Variants in ABCG8 observed in about 807,000 individuals in gnomAD.
ABCG8 encodes ATP binding cassette subfamily G member 8.
A neutral mutation model predicts 71.3 loss-of-function variants in ABCG8; 81 were observed. That is an observed-to-expected ratio of 1.14 (90% CI 0.95 to 1.37). The LOEUF (loss-of-function observed/expected upper bound fraction) is 1.37. Ranked by LOEUF, ABCG8 falls within the 40% of genes most tolerant of loss-of-function variation. The pLI, the probability that ABCG8 is intolerant of heterozygous loss-of-function variation, is 0.00. For missense variants in ABCG8, 1,119 were observed against 866.2 expected, an observed-to-expected ratio of 1.29 and a Z score of -3.66; for synonymous variants, 451 against 354.7, an observed-to-expected ratio of 1.27 and a Z score of -3.05.
intron 6 of ABCG8, among the ~76,000 whole-genome samples, chr2:43,863,584 A>G (rs566797027): frequency 2.0e-5 from 3 of 147,816 alleles, no homozygotes; most frequent in African/African-American, 2.5e-5. Context: ...ATAGAATTCT[A>G]TGTCTCTGGA....
At chr2:43,866,950 T>C (rs1375303630) in intron 6 of ABCG8, among the ~76,000 whole-genome samples, 3 of 151,310 alleles carry the variant, frequency 2.0e-5, no homozygotes, top group Non-Finnish European at 4.4e-5. Context: ...CCAACCCAAA[T>C]GTCCAACAAT....
chr2:43,874,516 C>CCA (rs10667526), intron 10 of ABCG8, 33 bp downstream of exon 10: 7 of 1,548,608 alleles, frequency 4.5e-6, no homozygotes. Flanking sequence ...AAGTGCCCCC[C>CCA]ACCCACCAGG....
intron 11 of ABCG8, among the ~76,000 whole-genome samples, chr2:43,877,196 G>T (rs924405234): frequency 1.6e-4 from 24 of 150,526 alleles, no homozygotes; most frequent in African/African-American, 5.1e-4. Flanking sequence ...AAGACCATGG[G>T]AATATGGGGA....
intron 2 of ABCG8, 87 bp downstream of exon 2, chr2:43,844,695 C>A (rs1668687915): frequency 2.1e-6 from 2 of 968,776 alleles, no homozygotes; most frequent in Non-Finnish European, 1.6e-6. Context: ...GTGGGCCCAA[C>A]TTGCAGGCCC....
chr2:43,877,603 T>G lies in ABCG8; in HGVS notation c.1799T>G (p.Phe600Cys). Residue 600 changes from phenylalanine (F) to cysteine (C), a missense_variant, in exon 12 of 13, where the codon TTT becomes TGT. Coordinates refer to ENST00000272286, the MANE Select transcript of ABCG8 (RefSeq NM_022437.3). ...AAAGTGTCCTTCCTGCGGTGGTGTTTTGAAGGGCTGATGAAGATTCAGTTC... is the reference window on the plus strand; with the variant it reads ...AAAGTGTCCTTCCTGCGGTGGTGTTGTGAAGGGCTGATGAAGATTCAGTTC... ...ISKVSFLRWC[F>C]EGLMKIQFSR... 1.2e-6 allele frequency: 2 copies of G among 1,614,094 alleles called. No homozygotes were observed. The highest frequency in any genetic ancestry group is 1.7e-6 in the Non-Finnish European group (2 of 1,180,012).
rs1056572250 is a variant in ABCG8, at chr2:43,872,147, G to A, written c.1127+9G>A. ...GACACCTGTGTGGAAAGGTAAGGTG[G>A]CAGGCGACTCTGAGAGGAGAGCTCC... On this transcript the variant is annotated intron_variant, in intron 7 of 12. Coordinates refer to ENST00000272286, the MANE Select transcript of ABCG8 (RefSeq NM_022437.3). 3 of 1,614,084 alleles carry A rather than the reference G, an allele frequency of 1.9e-6. No individual in the cohort carries two copies. Among genetic ancestry groups the A allele is most frequent in the African/African-American group, 1.3e-5 (1 of 75,032 alleles).
intron 6 of ABCG8, among the ~76,000 whole-genome samples, chr2:43,859,571 G>A (rs1669232141): frequency 1.3e-5 from 2 of 150,782 alleles, no homozygotes; most frequent in Non-Finnish European, 3.0e-5. Context: ...CTCACTCTGT[G>A]GATAGAACTG....
At chr2:43,841,206 T>C (rs1668572904) in intron 1 of ABCG8, among the ~76,000 whole-genome samples, 1 of 152,176 alleles carries the variant, frequency 6.6e-6, no homozygotes, top group Non-Finnish European at 1.5e-5. Flanking sequence ...GCTCCTCATC[T>C]CAGAACTAGA....
In ABCG8 at chr2:43,878,008, A is replaced by C; in HGVS notation, c.*95A>C. On this transcript the variant is annotated 3_prime_UTR_variant, in exon 13 of 13. Transcript: ENST00000272286. ...GCCCCTTCCTGGGGACAGTGAGGACAATGACCCTACAGATGCTCAGCTACA... is the reference window on the plus strand; with the variant it reads ...GCCCCTTCCTGGGGACAGTGAGGACCATGACCCTACAGATGCTCAGCTACA... 6.4e-7 allele frequency: 1 copy of C among 1,574,110 alleles called. No individual in the cohort carries two copies. Among genetic ancestry groups the C allele is most frequent in the South Asian group, 1.1e-5 (1 of 88,084 alleles).
chr2:43,847,962 G>T (rs1668797896), intron 3 of ABCG8: 1 of 151,338 alleles, frequency 6.6e-6, no homozygotes, highest in African/African-American at 2.4e-5. Context: ...ATATGGTTTT[G>T]CCATGGTGGC....
At chr2:43,842,799 G>A (rs1249715842) in intron 1 of ABCG8, among the ~76,000 whole-genome samples, 1 of 151,438 alleles carries the variant, frequency 6.6e-6, no homozygotes, top group East Asian at 1.9e-4. Context: ...GTATAATTTT[G>A]GGTCTTTATG....
chr2:43,873,337 T>C (rs1418130728), intron 8 of ABCG8, among the ~76,000 whole-genome samples: 4 of 151,876 alleles, frequency 2.6e-5, no homozygotes, highest in African/African-American at 9.7e-5. Context: ...TACAGGTGTG[T>C]GCCACCACTC....
At position 43,839,103 on chromosome 2, in the gene ABCG8, C is replaced by CCCAGGATACCTCG; in HGVS notation, c.51_63dup (p.Gly22ProfsTer9). The CCCAGGATACCTCG allele has an allele frequency of 6.4e-7, 1 of 1,551,268 alleles. No homozygotes were observed. Among genetic ancestry groups the CCCAGGATACCTCG allele is most frequent in the Non-Finnish European group, 8.7e-7 (1 of 1,146,798 alleles). The stretch of plus-strand genomic sequence containing the variant: ...AGAGGGCTGCCGAAAGGGGCCACTC[C>CCCAGGATACCTCG]CCAGGATACCTCGGTGAGTGAGCAA... On this transcript the variant is annotated frameshift_variant, in exon 1 of 13. Transcript: ENST00000272286. LOFTEE classifies it high-confidence loss of function.
chr2:43,851,503 G>A (rs1374185635), intron 3 of ABCG8, 81 bp from the exon 4 acceptor site: 1 of 1,496,630 alleles, frequency 6.7e-7, no homozygotes, highest in Admixed American at 1.7e-5. Context: ...CGGGGTCCTG[G>A]AGAGTGTATG....
intron 6 of ABCG8, among the ~76,000 whole-genome samples, chr2:43,871,539 C>T (rs1321881970): frequency 3.3e-5 from 5 of 151,916 alleles, no homozygotes; most frequent in African/African-American, 9.7e-5. Flanking sequence ...CAGCCTCCCC[C>T]GACCAGCCCA....
chr2:43,851,604 C>T lies in ABCG8; in HGVS notation c.343C>T (p.Leu115=). 4 of 1,614,232 alleles carry T rather than the reference C, an allele frequency of 2.5e-6. No homozygotes were observed. The highest frequency in any genetic ancestry group is 2.5e-6 in the Non-Finnish European group (3 of 1,180,038). ...TGCAGGTTGTGGGAGAGCCTCCTTG[C>T]TAGATGTGATCACTGGCCGAGGTCA... ...GSSGCGRASL[L]DVITGRGHGG... is the part of the protein sequence containing the mutation. The change falls in exon 4 of 13, where the codon CTA becomes TTA. Residue 115 remains leucine, a synonymous_variant. Coordinates refer to ENST00000272286, the MANE Select transcript of ABCG8 (RefSeq NM_022437.3).
In ABCG8 at chr2:43,875,261, T is replaced by C. The variant is rs748122126; in HGVS notation, c.1604T>C (p.Val535Ala). 7 of 1,614,102 alleles carry C rather than the reference T, an allele frequency of 4.3e-6. No individual in the cohort carries two copies. The African/African-American group carries it at 6.7e-5, about 15-fold the overall frequency. ...LQPFLLHFLL[V>A]WLVVFCCRIM... ...CCCTTCCTGCTGCACTTCCTGCTGG[T>C]GTGGCTGGTGGTCTTCTGTTGCAGG... The change falls in exon 11 of 13, where the codon GTG becomes GCG. Residue 535 changes from valine to alanine, a missense_variant. Val to Ala is a moderately conservative substitution (Grantham distance 64). Transcript: ENST00000272286.
chr2:43,851,691 G>T lies in ABCG8; in HGVS notation c.430G>T (p.Val144Leu). The T allele has an allele frequency of 1.2e-6, 2 of 1,614,244 alleles. No homozygotes were observed. Among genetic ancestry groups the T allele is most frequent in the African/African-American group, 2.7e-5 (2 of 75,070 alleles). Residue 144 changes from valine to leucine, a missense_variant, in exon 4 of 13, where the codon GTG becomes TTG. Physicochemically the swap from Val to Leu is conservative, Grantham distance 32 (BLOSUM62 1). Coordinates refer to ENST00000272286, the MANE Select transcript of ABCG8 (RefSeq NM_022437.3). ...INGQPSSPQL[V>L]RKCVAHVRQH... ...TGGGCAGCCCAGCTCGCCTCAGCTGGTGAGGAAGTGTGTGGCCCACGTGCG... is the reference window on the plus strand; with the variant it reads ...TGGGCAGCCCAGCTCGCCTCAGCTGTTGAGGAAGTGTGTGGCCCACGTGCG...
intron 3 of ABCG8, among the ~76,000 whole-genome samples, chr2:43,850,358 G>A (rs1382099593): frequency 1.3e-5 from 2 of 152,158 alleles, no homozygotes; most frequent in African/African-American, 2.4e-5. Context: ...GAAAGTTTTT[G>A]GAAACTGGAT....
Sources: gnomAD v4.1 joint callset for allele counts (sites outside exome capture counted in the v4.1 genomes callset) on GRCh38, gnomAD v4.1.1 for gene constraint, MANE v1.5 for transcripts, NCBI Gene and HGNC (gene_info 2026-07-23, HGNC 2026-07-21) for gene names.